Variants in NPAS3 observed in about 807,000 individuals in gnomAD.
NPAS3 encodes neuronal PAS domain-containing protein 3.
A neutral mutation model predicts 73.1 loss-of-function variants in NPAS3; 14 were observed. The observed-to-expected ratio is 0.19, with a 90% confidence interval of 0.13 to 0.30. NPAS3 has a LOEUF of 0.30. Ranked by LOEUF, NPAS3 falls within the 10% of genes least tolerant of loss-of-function variation. The pLI is 1.00. For missense variants in NPAS3, 1,096 were observed against 1,250.0 expected, an observed-to-expected ratio of 0.88 and a Z score of 1.86; for synonymous variants, 620 against 541.5, an observed-to-expected ratio of 1.14 and a Z score of -2.01.
At chr14:32,968,468 G>T (rs2037278607) in intron 1 of NPAS3, among the ~76,000 whole-genome samples, 1 of 152,062 alleles carries the variant, frequency 6.6e-6, no homozygotes, top group African/African-American at 2.4e-5. Context: ...AATTCTGAAG[G>T]TGATATAGGT....
chr14:33,278,071 A>G (rs1245779834), intron 3 of NPAS3, among the ~76,000 whole-genome samples: 7 of 152,182 alleles, frequency 4.6e-5, no homozygotes, highest in Admixed American at 6.6e-5. Context: ...GGCTAAACTC[A>G]GCATAATCTG....
At position 33,800,438 on chromosome 14, in the gene NPAS3, A is replaced by G. The variant is rs1315182449; in HGVS notation, c.2131A>G (p.Ile711Val). 1 of 1,577,654 alleles carries G rather than the reference A, an allele frequency of 6.3e-7. No individual in the cohort carries two copies. Residue 711 changes from isoleucine (I) to valine (V), a missense_variant, in exon 12 of 12, where the codon ATT (isoleucine) becomes GTT (valine). Physicochemically the swap from Ile to Val is conservative, Grantham distance 29 (BLOSUM62 3). Around this residue, in one of 5 missense-constraint regions of NPAS3, gnomAD observed 698 missense variants for 676.7 expected, o/e 1.03. Coordinates refer to ENST00000356141, the Ensembl canonical transcript of NPAS3. This position sits in a 1 kb window ranked among gnomAD's most constrained non-coding sequence, Gnocchi z 6.5. The stretch of plus-strand genomic sequence containing the variant: ...CGGTGGCGGGGGGCTGCACGTGGCC[A>G]TTCCCGACTCGGTCCTCACCCCGCC...
At chr14:33,200,224 C>T (rs2046562275) in intron 2 of NPAS3, among the ~76,000 whole-genome samples, 1 of 151,242 alleles carries the variant, frequency 6.6e-6, no homozygotes, top group African/African-American at 2.4e-5. Flanking sequence ...GCAAAAACCG[C>T]AGTTACTTTT....
chr14:33,723,562 C>T (rs1344942132), intron 6 of NPAS3, among the ~76,000 whole-genome samples: 1 of 152,034 alleles, frequency 6.6e-6, no homozygotes, highest in African/African-American at 2.4e-5. Context: ...TTCTTGGAAG[C>T]CACTACTCTC....
intron 3 of NPAS3, among the ~76,000 whole-genome samples, chr14:33,230,900 CTG>C (rs929247123): frequency 3.9e-5 from 6 of 152,276 alleles, no homozygotes; most frequent in African/African-American, 1.4e-4. Context: ...TCCCCTGAAA[CTG>C]TTACCTTTTA....
chr14:33,595,438 ATAT>A (rs1213271348), intron 5 of NPAS3, among the ~76,000 whole-genome samples: 2 of 152,162 alleles, frequency 1.3e-5, no homozygotes, highest in Non-Finnish European at 2.9e-5. Context: ...CTTAAATTAT[ATAT>A]TAAGGGCTTC....
intron 2 of NPAS3, among the ~76,000 whole-genome samples, chr14:33,069,064 C>T (rs1208609482): frequency 6.6e-6 from 1 of 152,144 alleles, no homozygotes. Flanking sequence ...ACTGGCTGAG[C>T]ATATGCTTCA....
At chr14:33,592,047 G>A (rs1252579698) in intron 5 of NPAS3, among the ~76,000 whole-genome samples, 1 of 152,178 alleles carries the variant, frequency 6.6e-6, no homozygotes, top group African/African-American at 2.4e-5. Context: ...GTGACAGCAT[G>A]TGGGATGACC....
chr14:33,763,180 C>G (rs2062351456), intron 7 of NPAS3, among the ~76,000 whole-genome samples: 1 of 152,166 alleles, frequency 6.6e-6, no homozygotes. Context: ...TGCTTGAGGT[C>G]TTTCTGGGAT....
chr14:33,295,529 T>C (rs1401586722), intron 3 of NPAS3, among the ~76,000 whole-genome samples: 1 of 152,196 alleles, frequency 6.6e-6, no homozygotes, highest in Admixed American at 6.5e-5. Context: ...CAAGTAGTTA[T>C]ACACAAGGAA....
At chr14:32,973,631 G>C (rs892813361) in intron 1 of NPAS3, among the ~76,000 whole-genome samples, 3 of 150,230 alleles carry the variant, frequency 2.0e-5, no homozygotes, top group African/African-American at 7.4e-5. Flanking sequence ...CCCTTCCCGA[G>C]TTCAAACAGT....
intron 3 of NPAS3, among the ~76,000 whole-genome samples, chr14:33,348,817 G>A (rs2044879234): frequency 6.6e-6 from 1 of 152,178 alleles, no homozygotes; most frequent in Non-Finnish European, 1.5e-5. Context: ...CATTAGGGAT[G>A]TCGCAGGTTT....
chr14:33,395,157 C>T (rs1344949828), intron 4 of NPAS3, among the ~76,000 whole-genome samples: 1 of 152,078 alleles, frequency 6.6e-6, no homozygotes. Flanking sequence ...AGAGAAACTT[C>T]TTCAGAGAGT....
At chr14:33,422,500 A>G (rs573168384) in intron 4 of NPAS3, among the ~76,000 whole-genome samples, 1 of 152,076 alleles carries the variant, frequency 6.6e-6, no homozygotes, top group East Asian at 1.9e-4. Flanking sequence ...TTCTGTCCCT[A>G]TGGTGATTCT....
At chr14:33,367,406 C>T in intron 4 of NPAS3, 138 bp downstream of exon 4, 1 of 527,314 alleles carries the variant, frequency 1.9e-6, no homozygotes, top group Non-Finnish European at 3.4e-6. Context: ...TTCCGAAATT[C>T]TTATGAGTTT....
intron 5 of NPAS3, among the ~76,000 whole-genome samples, chr14:33,650,796 T>G (rs1333461333): frequency 1.3e-5 from 2 of 152,144 alleles, no homozygotes; most frequent in Non-Finnish European, 2.9e-5. Flanking sequence ...GCCAGGCCCA[T>G]GCCTCTGCCA....
chr14:33,566,050 G>A (rs1192536604), intron 5 of NPAS3, among the ~76,000 whole-genome samples: 3 of 152,078 alleles, frequency 2.0e-5, no homozygotes, highest in African/African-American at 7.2e-5. Flanking sequence ...GAATGTGGAA[G>A]CTCTGAGGGT....
chr14:33,167,409 G>A (rs57319604), intron 2 of NPAS3, among the ~76,000 whole-genome samples: 244 of 151,952 alleles, frequency 1.6e-3, no homozygotes, highest in African/African-American at 5.6e-3. Context: ...ATACACACAC[G>A]CACAAACAGA....
chr14:33,060,342 G>A (rs569158725), intron 2 of NPAS3, among the ~76,000 whole-genome samples: 1 of 152,294 alleles, frequency 6.6e-6, no homozygotes, highest in Non-Finnish European at 1.5e-5. Context: ...ATTTAGAAAA[G>A]ATGGAGTGAG....
Sources: allele counts gnomAD v4.1 joint callset (sites outside exome capture counted in the v4.1 genomes callset), GRCh38; gene constraint gnomAD v4.1.1; regional missense constraint gnomAD v4.1.1; non-coding constraint Gnocchi (gnomAD v3.1); transcripts MANE v1.5; gene names NCBI Gene and HGNC (gene_info 2026-07-23, HGNC 2026-07-21).